The following RGS6 variants were observed in gnomAD, a reference collection of about 807,000 sequenced individuals.
RGS6 encodes the protein regulator of G protein signaling 6.
Under a neutral mutation model 78.5 loss-of-function variants are expected in RGS6, and 30 were observed. That is an observed-to-expected ratio of 0.38 (90% CI 0.29 to 0.52). The LOEUF (loss-of-function observed/expected upper bound fraction) is 0.52, where lower values mean the gene tolerates loss of function less well. Among genes scored for constraint, RGS6 ranks in the 20% least tolerant of loss-of-function variants. RGS6 has a pLI of 0.85. For missense variants in RGS6, 495 were observed against 609.7 expected (o/e 0.81, Z 1.98); for synonymous variants, 206 against 206.0 (o/e 1.00, Z 0.00).
At chr14:72,269,634 G>A (rs564411572) in intron 2 of RGS6, among the ~76,000 whole-genome samples, 17 of 133,828 alleles carry the variant, frequency 1.3e-4, no homozygotes, top group African/African-American at 2.1e-4. Flanking sequence ...GCACAGTCTC[G>A]GCTCACTGCA....
intron 2 of RGS6, among the ~76,000 whole-genome samples, chr14:72,011,011 CA>C (rs913773851): frequency 2.0e-5 from 3 of 152,138 alleles, no homozygotes; most frequent in Non-Finnish European, 2.9e-5. Context: ...ACTTTTGCAC[CA>C]AAATATTTAA....
At chr14:72,092,902 T>A (rs571014480) in intron 2 of RGS6, among the ~76,000 whole-genome samples, 15 of 152,170 alleles carry the variant, frequency 9.9e-5, no homozygotes, top group Non-Finnish European at 2.1e-4. Context: ...TTTCCTAGTT[T>A]TTACCTAGTT....
chr14:72,221,527 A>G (rs2046864719), intron 2 of RGS6, among the ~76,000 whole-genome samples: 1 of 152,192 alleles, frequency 6.6e-6, no homozygotes, highest in African/African-American at 2.4e-5. Flanking sequence ...TGCACTCATC[A>G]GGGAAAGGCC....
chr14:72,407,991 TCTGCTCCA>T (rs1164385368), intron 3 of RGS6, among the ~76,000 whole-genome samples: 19 of 152,236 alleles, frequency 1.2e-4, no homozygotes, highest in African/African-American at 4.6e-4. Flanking sequence ...GGCCTTCCCC[TCTGCTCCA>T]CTGGAGAGAG....
At chr14:72,058,431 A>C (rs951311297) in intron 2 of RGS6, among the ~76,000 whole-genome samples, 1 of 152,134 alleles carries the variant, frequency 6.6e-6, no homozygotes, top group Non-Finnish European at 1.5e-5. Context: ...TTATTTATCA[A>C]CATTAAAAAC....
At chr14:72,504,002 G>A (rs973734582) in intron 13 of RGS6, among the ~76,000 whole-genome samples, 1 of 152,234 alleles carries the variant, frequency 6.6e-6, no homozygotes, top group Non-Finnish European at 1.5e-5. Context: ...CACTGGGCAG[G>A]AGCATCCTGA....
At chr14:72,276,608 G>T (rs780059417) in intron 2 of RGS6, among the ~76,000 whole-genome samples, 1 of 152,110 alleles carries the variant, frequency 6.6e-6, no homozygotes, top group African/African-American at 2.4e-5. Flanking sequence ...GAATCATGGG[G>T]GTGGTTTCCC....
chr14:72,036,411 G>T (rs1459244896), intron 2 of RGS6, among the ~76,000 whole-genome samples: 1 of 152,032 alleles, frequency 6.6e-6, no homozygotes, highest in Non-Finnish European at 1.5e-5. Context: ...GTAATGCTTA[G>T]GTAATTCCTA....
intron 2 of RGS6, among the ~76,000 whole-genome samples, chr14:72,082,287 T>C (rs894257205): frequency 3.3e-5 from 5 of 152,158 alleles, no homozygotes; most frequent in Admixed American, 6.5e-5. Flanking sequence ...ATATGGGATA[T>C]CTTTTCATTT....
At chr14:72,155,645 C>A (rs1034536295) in intron 2 of RGS6, among the ~76,000 whole-genome samples, 2 of 152,170 alleles carry the variant, frequency 1.3e-5, no homozygotes, top group Non-Finnish European at 2.9e-5. Context: ...GATGGATTTT[C>A]TGATTACCAA....
intron 3 of RGS6, among the ~76,000 whole-genome samples, chr14:72,379,947 A>G (rs2085639637): frequency 1.3e-5 from 2 of 152,198 alleles, no homozygotes; most frequent in Admixed American, 6.5e-5. Flanking sequence ...CCAAAACAGC[A>G]TGGTACTGTT....
At chr14:72,255,907 A>G (rs1401820164) in intron 2 of RGS6, among the ~76,000 whole-genome samples, 1 of 152,230 alleles carries the variant, frequency 6.6e-6, no homozygotes, top group Admixed American at 6.5e-5. Context: ...CTTTTATGTT[A>G]GTAAAATGTT....
intron 2 of RGS6, among the ~76,000 whole-genome samples, chr14:72,326,935 C>T (rs1401962855): frequency 1.4e-4 from 22 of 152,116 alleles, no homozygotes; most frequent in Admixed American, 1.0e-3. Flanking sequence ...TCTCAATCTC[C>T]TGACCTCGTG....
At chr14:72,018,092 A>G (rs982959325) in intron 2 of RGS6, among the ~76,000 whole-genome samples, 2 of 152,188 alleles carry the variant, frequency 1.3e-5, no homozygotes, top group African/African-American at 4.8e-5. Context: ...TGTCCCTGCA[A>G]AGGACATGAT....
intron 3 of RGS6, among the ~76,000 whole-genome samples, chr14:72,374,163 A>G (rs1446737637): frequency 6.6e-6 from 1 of 152,118 alleles, no homozygotes; most frequent in Non-Finnish European, 1.5e-5. Flanking sequence ...ATATGTATAC[A>G]TGTGCCATGT....
chr14:72,342,654 T>C (rs1177157996), intron 2 of RGS6, among the ~76,000 whole-genome samples: 1 of 136,310 alleles, frequency 7.3e-6, no homozygotes, highest in African/African-American at 2.8e-5. Context: ...TGCTTGTACA[T>C]GGGAGGTGAA....
At chr14:72,401,470 G>A (rs972419194) in intron 3 of RGS6, among the ~76,000 whole-genome samples, 10 of 151,844 alleles carry the variant, frequency 6.6e-5, no homozygotes, top group Admixed American at 3.9e-4. Flanking sequence ...GAAATACAGA[G>A]CCAAAAGTCA....
intron 3 of RGS6, among the ~76,000 whole-genome samples, chr14:72,377,606 T>C (rs912599435): frequency 2.0e-5 from 3 of 152,204 alleles, no homozygotes; most frequent in Non-Finnish European, 4.4e-5. Context: ...TGCATTTTTT[T>C]TCATCAGCAC....
At chr14:72,415,508 C>G (rs1443917059) in intron 3 of RGS6, among the ~76,000 whole-genome samples, 1 of 152,254 alleles carries the variant, frequency 6.6e-6, no homozygotes, top group Admixed American at 6.5e-5. Context: ...ATGCCTCGCC[C>G]TGCTTTGGCT....
Sources: allele counts gnomAD v4.1 joint callset (sites outside exome capture counted in the v4.1 genomes callset), GRCh38; gene constraint gnomAD v4.1.1; transcripts MANE v1.5; gene names NCBI Gene and HGNC (gene_info 2026-07-23, HGNC 2026-07-21).